The following ODAD1 variants were observed in gnomAD, a reference collection of about 807,000 sequenced individuals.
The protein encoded by ODAD1 is outer dynein arm-docking complex subunit 1.
Under a neutral mutation model 67.2 loss-of-function variants are expected in ODAD1, and 49 were observed. The observed-to-expected ratio is 0.73, with a 90% confidence interval of 0.58 to 0.92. The LOEUF is 0.92. Ranked by LOEUF, ODAD1 falls within the 40% of genes least tolerant of loss-of-function variation. The pLI is 0.00. For missense variants in ODAD1, 897 were observed against 953.7 expected, an observed-to-expected ratio of 0.94 and a Z score of 0.78; for synonymous variants, 345 against 393.7, an observed-to-expected ratio of 0.88 and a Z score of 1.46.
At chr19:48,315,903 C>T (rs1968885713) in intron 5 of ODAD1, among the ~76,000 whole-genome samples, 1 of 152,028 alleles carries the variant, frequency 6.6e-6, no homozygotes, top group South Asian at 2.1e-4. Flanking sequence ...ATTTGCTCGT[C>T]CACTCGACCA....
At chr19:48,320,642 G>T (rs547589287) in intron 2 of ODAD1, 130 bp downstream of exon 2, 18 of 182,486 alleles carry the variant, frequency 9.9e-5, no homozygotes, top group Admixed American at 2.4e-4. Flanking sequence ...CAGGGGACAG[G>T]CCTCCTGGGC....
intron 1 of ODAD1, chr19:48,321,392 G>C (rs1423508317): frequency 2.5e-5 from 4 of 163,082 alleles, no homozygotes; most frequent in African/African-American, 9.6e-5. Context: ...TGATGGGCGG[G>C]GCTGAGACCT....
At chr19:48,303,455 G>C in intron 10 of ODAD1, 195 bp downstream of exon 10, 2 of 630,414 alleles carry the variant, frequency 3.2e-6, no homozygotes, top group South Asian at 3.9e-5. Flanking sequence ...CAGGAGTTAG[G>C]AGGGGGTGGG....
intron 8 of ODAD1, among the ~76,000 whole-genome samples, chr19:48,305,307 G>A (rs531739190): frequency 4.6e-5 from 7 of 152,172 alleles, no homozygotes; most frequent in East Asian, 3.9e-4. Context: ...AAGGTGGCCC[G>A]AGAGGATCTC....
At position 48,303,964 on chromosome 19, in the gene ODAD1, C is replaced by T. The variant is rs149194036; in HGVS notation, c.842G>A (p.Arg281His). 272 of 1,613,754 alleles carry T rather than the reference C, an allele frequency of 1.7e-4. No homozygotes were observed. The highest frequency in any genetic ancestry group is 1.9e-4 in the Non-Finnish European group (225 of 1,179,804). ...AGCCCCAGCCTCACCCTGCTTTTCACGCTTCTCCAGGACATCGGGATCCGG... is the reference window on the plus strand; with the variant it reads ...AGCCCCAGCCTCACCCTGCTTTTCATGCTTCTCCAGGACATCGGGATCCGG... ...RQPDPDVLEKREKQAGEVAEG... is the reference protein window; with the variant it reads ...RQPDPDVLEKHEKQAGEVAEG... Residue 281 changes from arginine to histidine, a missense_variant, in exon 9 of 16, where the codon CGT (arginine) becomes CAT (histidine). Coordinates refer to ENST00000674294, the MANE Select transcript of ODAD1 (RefSeq NM_001364171.2).
Position 48,320,352 on chromosome 19 carries a change from A to C in ODAD1, c.17T>G (p.Leu6Trp). 7.8e-7 allele frequency: 1 copy of C among 1,289,158 alleles called. No homozygotes were observed. The highest frequency in any genetic ancestry group is 1.0e-6 in the Non-Finnish European group (1 of 988,446). 79.9% of individuals were successfully genotyped at this position (1,289,158 alleles called of 1,614,324 possible). MPLGRLAGSARSEEGS... is the reference protein window; with the variant it reads MPLGRWAGSARSEEGS... ...CTCCTCGGAGCGGGCGCTCCCTGCC[A>C]AGCGTCCCAAAGGCATCCTGGCCAA... Residue 6 changes from leucine to tryptophan, a missense_variant, in exon 3 of 16, where the codon TTG becomes TGG. By Grantham distance (61) the Leu-to-Trp change is moderately conservative. Transcript: ENST00000674294.
chr19:48,320,541 CCTCT>C, intron 2 of ODAD1, 150 bp from the exon 3 acceptor site: 1 of 287,562 alleles, frequency 3.5e-6, no homozygotes, highest in South Asian at 2.7e-5. Flanking sequence ...TGGAGGGGGA[CCTCT>C]CTCAGGCCTC....
chr19:48,297,883 C>A, intron 14 of ODAD1, 117 bp downstream of exon 14: 1 of 876,828 alleles, frequency 1.1e-6, no homozygotes, highest in Non-Finnish European at 1.7e-6. Context: ...TCTAACCCCC[C>A]AGGGCCACAT....
intron 10 of ODAD1, 62 bp downstream of exon 10, chr19:48,303,588 G>A: frequency 6.3e-7 from 1 of 1,592,186 alleles, no homozygotes. Context: ...AGGCCAGCCT[G>A]CACTGGACTC....
At chr19:48,315,875 T>C (rs1215680586) in intron 5 of ODAD1, among the ~76,000 whole-genome samples, 2 of 152,208 alleles carry the variant, frequency 1.3e-5, no homozygotes, top group Non-Finnish European at 2.9e-5. Flanking sequence ...TCACATTCCA[T>C]TCCATGTATA....
intron 7 of ODAD1, among the ~76,000 whole-genome samples, chr19:48,308,173 T>C (rs983637413): frequency 7.3e-5 from 11 of 151,696 alleles, no homozygotes; most frequent in Admixed American, 2.0e-4. Flanking sequence ...AGTGTTTCCT[T>C]TTTGCTTTTT....
rs568161381 is a variant in ODAD1 at position 48,297,207 on chromosome 19, C to G, written c.1893G>C (p.Ser631=). 1 of 1,614,058 alleles carries G rather than the reference C, an allele frequency of 6.2e-7. No individual in the cohort carries two copies. The highest frequency in any genetic ancestry group is 8.5e-7 in the Non-Finnish European group (1 of 1,180,000). Residue 631 remains serine, a synonymous_variant, in exon 16 of 16, where the codon TCG becomes TCC. Transcript: ENST00000674294. ...GHVTFGSTSA[S]SGGHVTFRPV... Reference sequence around the variant, plus strand: ...GTCTGAAGGTCACGTGGCCCCCACTCGAGGCACTGGTGGAGCCGAAGGTCA... The same window carrying G: ...GTCTGAAGGTCACGTGGCCCCCACTGGAGGCACTGGTGGAGCCGAAGGTCA...
Position 48,321,698 on chromosome 19 carries a change from G to T in ODAD1, c.-84C>A. ...AGTACCGCGGGCCTGGAAGCGGCGG[G>T]AGTTGAAAGAGCCTGCGGTGACCTG... On this transcript the variant is annotated 5_prime_UTR_variant, in exon 1 of 16. Transcript: ENST00000674294. The T allele has an allele frequency of 5.1e-6, 2 of 395,924 alleles. No homozygotes were observed. Among genetic ancestry groups the T allele is most frequent in the Non-Finnish European group, 8.9e-6 (2 of 224,370 alleles). 24.5% of individuals were successfully genotyped at this position (395,924 alleles called of 1,614,324 possible).
At chr19:48,317,385 C>CA (rs1334233722) in intron 5 of ODAD1, among the ~76,000 whole-genome samples, 1 of 152,014 alleles carries the variant, frequency 6.6e-6, no homozygotes, top group Non-Finnish European at 1.5e-5. Flanking sequence ...GGTCAAATAG[C>CA]AAGGTCCCAA....
chr19:48,304,110 C>A lies in ODAD1; in HGVS notation c.696G>T (p.Leu232=), dbSNP rs28582401. The part of the protein sequence containing the change: ...REEAKAKMGL[L]RERAEKEEAQ... ...CCTCCTCTTTCTCCGCGCGCTCCCG[C>A]AGCAAGCCCATCTTGGCCTTCGCCT... Residue 232 remains leucine (L), a synonymous_variant, in exon 9 of 16, where the codon CTG becomes CTT. Coordinates refer to ENST00000674294, the MANE Select transcript of ODAD1 (RefSeq NM_001364171.2). 0.19 allele frequency: 300,321 copies of A among 1,611,918 alleles called. 29,165 individuals carry two copies. The highest frequency in any genetic ancestry group is 0.19 in the Non-Finnish European group (228,019 of 1,178,928).
Position 48,306,644 on chromosome 19 carries a change from T to C in ODAD1, c.598-321A>G, listed in dbSNP as rs551989130. ...TAGGAGACCTTTTGGAATAGTTTGA[T>C]TTGAGAACCTTGTTAATGTTTTACA... On this transcript the variant is annotated intron_variant, in intron 7 of 15. Coordinates refer to ENST00000674294, the MANE Select transcript of ODAD1 (RefSeq NM_001364171.2). 1.1e-4 allele frequency among the ~76,000 whole-genome samples: 16 copies of C among 152,290 alleles called. No individual in the cohort carries two copies. The South Asian group carries it at 3.1e-3, about 30-fold the overall frequency.
Position 48,312,096 on chromosome 19 carries a change from C to T in ODAD1, c.381G>A (p.Arg127=). 1 of 1,551,332 alleles carries T rather than the reference C, an allele frequency of 6.4e-7. No homozygotes were observed. The highest frequency in any genetic ancestry group is 1.2e-5 in the South Asian group (1 of 84,028). ...LDKQIQEWET[R]IFTHSKNVRS... is the part of the protein sequence containing the mutation. ...TGACATTCTTACTGTGGGTAAAGAT[C>T]CGCGTCTCCCACTCCTGGATCTACA... The change falls in exon 6 of 16, where the codon CGG becomes CGA. Residue 127 remains arginine, a synonymous_variant. Coordinates refer to ENST00000674294, the MANE Select transcript of ODAD1 (RefSeq NM_001364171.2).
intron 10 of ODAD1, 119 bp downstream of exon 10, chr19:48,303,531 C>T: frequency 7.7e-7 from 1 of 1,302,390 alleles, no homozygotes; most frequent in Non-Finnish European, 1.1e-6. Flanking sequence ...AGGCATGACG[C>T]CTTGTTCCTC....
In ODAD1 at chr19:48,296,727, C is replaced by T; in HGVS notation, c.*249G>A. 1 of 1,340,792 alleles carries T rather than the reference C, an allele frequency of 7.5e-7. No individual in the cohort carries two copies. Among genetic ancestry groups the T allele is most frequent in the Non-Finnish European group, 9.6e-7 (1 of 1,046,020 alleles). 83.1% of individuals were successfully genotyped at this position (1,340,792 alleles called of 1,614,324 possible). A position where few individuals can be genotyped will look rare whatever the true frequency, so the allele number is the denominator to read the frequency against. ...GGAGACAAGACGGACAGACACTGAC[C>T]AGGAAGCCCAGAGAACAGGAGATCA... On this transcript the variant is annotated 3_prime_UTR_variant, in exon 16 of 16. Transcript: ENST00000674294.
Sources: allele counts gnomAD v4.1 joint callset (sites outside exome capture counted in the v4.1 genomes callset), GRCh38; gene constraint gnomAD v4.1.1; transcripts MANE v1.5; gene names NCBI Gene and HGNC (gene_info 2026-07-23, HGNC 2026-07-21).